KCNC1: variants seen among roughly 807,000 people sequenced by gnomAD.
KCNC1 encodes voltage-gated potassium channel KCNC1.
KCNC1 carries 8 observed loss-of-function variants against 43.4 expected under a neutral mutation model. The observed-to-expected ratio is 0.18, with a 90% CI of 0.11 to 0.33. The LOEUF is 0.33. Among genes scored for constraint, KCNC1 ranks in the 10% least tolerant of loss-of-function variants. The pLI, the probability that KCNC1 is intolerant of heterozygous loss-of-function variation, is 1.00. For synonymous variants in KCNC1, 361 were observed against 360.5 expected (o/e 1.00, Z -0.01); for missense variants, 420 against 836.0 (o/e 0.50, Z 6.14).
chr11:17,742,761 A>G lies in KCNC1; in HGVS notation c.570+6189A>G, dbSNP rs1169045040. On this transcript the variant is annotated intron_variant, in intron 1 of 3. Coordinates refer to ENST00000265969, the MANE Select transcript of KCNC1 (RefSeq NM_001112741.2). This position sits in a 1 kb window ranked among gnomAD's most constrained non-coding sequence, Gnocchi z 4.2. Reference sequence around the variant, plus strand: ...AGAGAGGGAAAGACACTTGCTCAAGACAACACAGGGAATCAGTGAGACTCA... The same window carrying G: ...AGAGAGGGAAAGACACTTGCTCAAGGCAACACAGGGAATCAGTGAGACTCA... Among the ~76,000 whole-genome samples, 1 of 152,204 alleles carries G rather than the reference A, an allele frequency of 6.6e-6. No homozygotes were observed. The highest frequency in any genetic ancestry group is 1.5e-5 in the Non-Finnish European group (1 of 68,038).
chr11:17,744,423 G>T (rs1848875756), intron 1 of KCNC1, among the ~76,000 whole-genome samples: 1 of 152,176 alleles, frequency 6.6e-6, no homozygotes, highest in South Asian at 2.1e-4. Context: ...CATTCATTCA[G>T]CCTGCCTCAT....
intron 2 of KCNC1, chr11:17,774,623 GC>G: frequency 1.0e-6 from 1 of 985,580 alleles, no homozygotes; most frequent in Non-Finnish European, 1.2e-6. Flanking sequence ...TTGCCCCTGA[GC>G]TCCACAGTCT....
intron 1 of KCNC1, among the ~76,000 whole-genome samples, chr11:17,740,519 T>C (rs1224938575): frequency 6.6e-6 from 1 of 152,086 alleles, no homozygotes; most frequent in Admixed American, 6.5e-5. Flanking sequence ...CCTGTCTTCC[T>C]TGGGGGCCAG....
chr11:17,737,711 G>A (rs1465734862), intron 1 of KCNC1, among the ~76,000 whole-genome samples: 1 of 152,150 alleles, frequency 6.6e-6, no homozygotes, highest in Non-Finnish European at 1.5e-5. Flanking sequence ...GGGAAGGGCA[G>A]AGTAGAGAAT....
chr11:17,746,928 T>C (rs756692061), intron 1 of KCNC1, among the ~76,000 whole-genome samples: 4 of 152,176 alleles, frequency 2.6e-5, no homozygotes, highest in Non-Finnish European at 5.9e-5. Context: ...CATAGGGAAG[T>C]TGGGAGGATC....
rs769612184 is a variant in KCNC1 at position 17,771,760 on chromosome 11, G to A, written c.666G>A (p.Thr222=). The change falls in exon 2 of 4, where the codon ACG becomes ACA. Residue 222 remains threonine (T), a synonymous_variant. Transcript: ENST00000265969. This position sits in a 1 kb window ranked among gnomAD's most constrained non-coding sequence, Gnocchi z 4.7. ...HERFNPIVNK[T]EIENVRNGTQ... ...GCTTCAACCCCATCGTGAACAAGAC[G>A]GAGATCGAGAACGTTCGCAATGGCA... 8 of 1,614,116 alleles carry A rather than the reference G, an allele frequency of 5.0e-6. No homozygotes were observed. The highest frequency in any genetic ancestry group is 2.7e-5 in the African/African-American group (2 of 74,952).
At chr11:17,752,906 C>T (rs958932347) in intron 1 of KCNC1, among the ~76,000 whole-genome samples, 5 of 152,192 alleles carry the variant, frequency 3.3e-5, no homozygotes, top group Non-Finnish European at 5.9e-5. Context: ...GTGCCCAGTT[C>T]TGCACTCTTA....
At chr11:17,761,091 C>T (rs1849073001) in intron 1 of KCNC1, among the ~76,000 whole-genome samples, 2 of 152,180 alleles carry the variant, frequency 1.3e-5, no homozygotes, top group Admixed American at 1.3e-4. Context: ...GGAAGTCCCC[C>T]TCACCTCGAG....
chr11:17,745,776 A>G (rs1033268682), intron 1 of KCNC1, among the ~76,000 whole-genome samples: 3 of 152,086 alleles, frequency 2.0e-5, no homozygotes, highest in African/African-American at 2.4e-5. Context: ...TCCCTTGGGT[A>G]TCAGCTCTCA....
At chr11:17,774,998 G>A in intron 2 of KCNC1, 1 of 985,364 alleles carries the variant, frequency 1.0e-6, no homozygotes, top group Non-Finnish European at 1.2e-6. Flanking sequence ...CTGCACCCCA[G>A]AGTTCTTCCC....
intron 2 of KCNC1, chr11:17,774,715 C>T (rs1849266188): frequency 1.0e-6 from 1 of 985,370 alleles, no homozygotes; most frequent in Non-Finnish European, 1.2e-6. Flanking sequence ...TGGACAGTCT[C>T]TGTGGCTGAG....
In KCNC1 at chr11:17,778,869, G is replaced by A. The variant is rs180961510; in HGVS notation, c.1505-587G>A. 6.5e-4 allele frequency among the ~76,000 whole-genome samples: 91 copies of A among 139,314 alleles called. 2 individuals carry two copies. In the East Asian group the frequency reaches 0.021, roughly 32 times the overall value. The allele number at this position is 139,314 out of a possible 152,430, so 91.4% of individuals were successfully genotyped here. A position where few individuals can be genotyped will look rare whatever the true frequency, so the allele number is the denominator to read the frequency against. ...GGTACGGGCGCAGGCTGAGTGATTA[G>A]ATGGGGGGTGGGGGTGGTGTGAACC... On this transcript the variant is annotated intron_variant, in intron 2 of 3. Transcript: ENST00000265969.
intron 1 of KCNC1, among the ~76,000 whole-genome samples, chr11:17,750,654 C>A (rs945919539): frequency 2.0e-5 from 3 of 152,172 alleles, no homozygotes; most frequent in African/African-American, 7.2e-5. Context: ...CACCCTGGGC[C>A]CCAATGTGCA....
chr11:17,775,281 T>TAC, intron 2 of KCNC1: 1 of 935,818 alleles, frequency 1.1e-6, no homozygotes, highest in Non-Finnish European at 1.3e-6. Context: ...TCTGAGGGCA[T>TAC]CCCTCCCGCC....
intron 1 of KCNC1, among the ~76,000 whole-genome samples, chr11:17,745,182 A>G (rs1848883569): frequency 6.6e-6 from 1 of 152,144 alleles, no homozygotes; most frequent in Non-Finnish European, 1.5e-5. Context: ...GCCTCAGGAC[A>G]CAGAGGGCTG....
chr11:17,776,146 G>A lies in KCNC1; in HGVS notation c.1505-3310G>A. 2 of 985,450 alleles carry A rather than the reference G, an allele frequency of 2.0e-6. No individual in the cohort carries two copies. The highest frequency in any genetic ancestry group is 2.4e-6 in the Non-Finnish European group (2 of 829,986). The allele number at this position is 985,450 out of a possible 1,614,324, so 61.0% of individuals were successfully genotyped here. On this transcript the variant is annotated intron_variant, in intron 2 of 3. Transcript: ENST00000265969. The surrounding 1 kb of genome is among the most constrained non-coding windows in gnomAD (Gnocchi z 4.4). The stretch of plus-strand genomic sequence containing the variant: ...TAGCGGAGAAATGAAGTGACGCCAG[G>A]GGCCAGGCATGGGTGTTCTTTTCCG...
In KCNC1 at chr11:17,776,422, G is replaced by A. The variant is rs11024395; in HGVS notation, c.1505-3034G>A. On this transcript the variant is annotated intron_variant, in intron 2 of 3. Transcript: ENST00000265969. The surrounding 1 kb of genome is among the most constrained non-coding windows in gnomAD (Gnocchi z 4.4). ...CGCGTGCGCCCCTCCGGTGCCCGCA[G>A]CTGGTGTGAACAGTAAGTACTTTGG... 1.0e-6 allele frequency: 1 copy of A among 985,368 alleles called. No homozygotes were observed. Among genetic ancestry groups the A allele is most frequent in the African/African-American group, 1.7e-5 (1 of 57,256 alleles). The allele number at this position is 985,368 out of a possible 1,614,324, so 61.0% of individuals were successfully genotyped here.
intron 2 of KCNC1, chr11:17,772,837 C>T: frequency 7.1e-7 from 1 of 1,398,990 alleles, no homozygotes; most frequent in Non-Finnish European, 9.2e-7. Context: ...CGCGGTTGGT[C>T]TCGTGATGTT....
intron 2 of KCNC1, chr11:17,774,277 G>T: frequency 1.0e-6 from 1 of 985,504 alleles, no homozygotes; most frequent in Non-Finnish European, 1.2e-6. Context: ...GGAGGAACGC[G>T]TGGGCTGGCC....
Sources: gnomAD v4.1 joint callset for allele counts (sites outside exome capture counted in the v4.1 genomes callset) on GRCh38, gnomAD v4.1.1 for gene constraint, Gnocchi (gnomAD v3.1) non-coding constraint, MANE v1.5 for transcripts, NCBI Gene and HGNC (gene_info 2026-07-23, HGNC 2026-07-21) for gene names.